SLC25A28: variants seen among roughly 807,000 people sequenced by gnomAD.
SLC25A28 encodes mitoferrin-2.
Under a neutral mutation model 31.9 loss-of-function variants are expected in SLC25A28, and 10 were observed. That is an observed-to-expected ratio of 0.31 (90% CI 0.19 to 0.53). The LOEUF (loss-of-function observed/expected upper bound fraction) is 0.53, where lower values mean the gene tolerates loss of function less well. Ranked by LOEUF, SLC25A28 falls within the 20% of genes least tolerant of loss-of-function variation. The pLI is 0.95. For synonymous variants in SLC25A28, 208 were observed against 203.6 expected, an observed-to-expected ratio of 1.02 and a Z score of -0.19; for missense variants, 256 against 490.3, an observed-to-expected ratio of 0.52 and a Z score of 4.51.
At chr10:99,648,686 G>GTTTTT in the SLC25A28 span, among the ~76,000 whole-genome samples, 10 of 119,780 alleles carry the variant, frequency 8.3e-5, no homozygotes, top group East Asian at 2.5e-4. Context: ...ATATTCCTAG[G>GTTTTT]TTTTTTTTTT....
At chr10:99,615,925 C>T in intron 1 of SLC25A28, 1 of 985,412 alleles carries the variant, frequency 1.0e-6, no homozygotes. Context: ...TCCTCACCCC[C>T]AAGAGAAAAC....
At chr10:99,621,261 C>G (rs999447155), upstream of SLC25A28, 1 of 152,818 alleles carries the variant, frequency 6.5e-6, no homozygotes, top group Non-Finnish European at 1.5e-5. Context: ...CATCCACATT[C>G]GCAGAGTAAA....
rs1374228340 is a variant in SLC25A28 at position 99,620,159 on chromosome 10, G to A, written c.177C>T (p.Ser59=). The A allele has an allele frequency of 1.9e-6, 3 of 1,565,112 alleles. No homozygotes were observed. The highest frequency in any genetic ancestry group is 8.6e-7 in the Non-Finnish European group (1 of 1,163,706). ...CCGGCAGCGCCTCGTAGTCCGGGCC[G>A]GAGTCCGGATCTTGTCGTACCGGGG... ...CRPPVRQDPD[S]GPDYEALPAG... is the part of the protein sequence containing the mutation. The change falls in exon 1 of 4, where the codon TCC becomes TCT. Residue 59 remains serine (S), a synonymous_variant. Coordinates refer to ENST00000370495, the MANE Select transcript of SLC25A28 (RefSeq NM_031212.4).
chr10:99,619,502 C>G, intron 1 of SLC25A28: 1 of 765,772 alleles, frequency 1.3e-6, no homozygotes, highest in Non-Finnish European at 1.6e-6. Flanking sequence ...ATTCTGCATT[C>G]TCACTGCACA....
At chr10:99,626,329 A>G in the SLC25A28 span, among the ~76,000 whole-genome samples, 2 of 152,194 alleles carry the variant, frequency 1.3e-5, no homozygotes, top group South Asian at 4.1e-4. Context: ...GGATCAGGAG[A>G]TATCATTATT....
chr10:99,650,695 A>G, the SLC25A28 span, among the ~76,000 whole-genome samples: 3 of 152,036 alleles, frequency 2.0e-5, no homozygotes, highest in African/African-American at 7.2e-5. Flanking sequence ...TACGTATAGG[A>G]AAGCCTGGTT....
At chr10:99,617,111 C>A in intron 1 of SLC25A28, 1 of 985,432 alleles carries the variant, frequency 1.0e-6, no homozygotes, top group Non-Finnish European at 1.2e-6. Flanking sequence ...TCAGAGCCAA[C>A]AACAGCAGCT....
upstream of SLC25A28, among the ~76,000 whole-genome samples, chr10:99,624,838 GA>G (rs533481523): frequency 5.3e-5 from 8 of 151,612 alleles, no homozygotes; most frequent in South Asian, 1.7e-3. Flanking sequence ...CTATCTCAAA[GA>G]AAAAAAAGTA....
chr10:99,622,625 C>CCA (rs2034818231), upstream of SLC25A28: 1 of 985,122 alleles, frequency 1.0e-6, no homozygotes. Flanking sequence ...ACACTTGCCG[C>CCA]CACACCACAT....
Position 99,611,372 on chromosome 10 carries a change from A to G in SLC25A28, c.578-6T>C, listed in dbSNP as rs747043437. ...CTGCATCCTCTGCTTGACCACTAGTAGTGCCATCAACGAGGAAGGAAATGG... is the reference window on the plus strand; with the variant it reads ...CTGCATCCTCTGCTTGACCACTAGTGGTGCCATCAACGAGGAAGGAAATGG... On this transcript the variant is annotated splice_polypyrimidine_tract_variant and splice_region_variant and intron_variant, in intron 3 of 3. Transcript: ENST00000370495. The surrounding 1 kb of genome is among the most constrained non-coding windows in gnomAD (Gnocchi z 5.5). 5 of 1,612,442 alleles carry G rather than the reference A, an allele frequency of 3.1e-6. No homozygotes were observed. The South Asian group carries it at 5.5e-5, about 18-fold the overall frequency.
chr10:99,618,397 C>T (rs554051859), intron 1 of SLC25A28: 2 of 985,348 alleles, frequency 2.0e-6, no homozygotes, highest in East Asian at 2.3e-4. Context: ...CAATACTCAT[C>T]CAGAAAAACA....
At chr10:99,658,721 T>A in the SLC25A28 span, among the ~76,000 whole-genome samples, 7 of 152,064 alleles carry the variant, frequency 4.6e-5, no homozygotes, top group African/African-American at 1.7e-4. Context: ...GGGCGGATCG[T>A]GGGGCGCAAT....
At chr10:99,641,781 A>T in the SLC25A28 span, among the ~76,000 whole-genome samples, 1 of 152,220 alleles carries the variant, frequency 6.6e-6, no homozygotes, top group African/African-American at 2.4e-5. Flanking sequence ...AGCTTTCTCC[A>T]TATGGCTAGC....
chr10:99,619,331 T>A (rs2034730898), intron 1 of SLC25A28: 1 of 985,358 alleles, frequency 1.0e-6, no homozygotes, highest in African/African-American at 1.7e-5. Flanking sequence ...GCTATCAGTT[T>A]CATCTCTCTT....
chr10:99,625,008 C>T (rs1343636755), upstream of SLC25A28, among the ~76,000 whole-genome samples: 1 of 151,968 alleles, frequency 6.6e-6, no homozygotes, highest in Non-Finnish European at 1.5e-5. Context: ...AATGAAGCCG[C>T]GGACACTCGC....
chr10:99,626,846 A>T, the SLC25A28 span, among the ~76,000 whole-genome samples: 130,245 of 151,842 alleles, frequency 0.86, 55,943 homozygotes, highest in Middle Eastern at 0.92. Context: ...GGCAGTTTTC[A>T]GTCCCACCGT....
At chr10:99,631,890 T>A in the SLC25A28 span, among the ~76,000 whole-genome samples, 1 of 104,266 alleles carries the variant, frequency 9.6e-6, no homozygotes, top group African/African-American at 3.6e-5. Flanking sequence ...TTTTTTTTTT[T>A]ATTTTTTTTT....
the SLC25A28 span, among the ~76,000 whole-genome samples, chr10:99,627,885 G>A: frequency 8.4e-5 from 12 of 142,156 alleles, no homozygotes; most frequent in Admixed American, 4.2e-4. Context: ...GCAAGTTCCC[G>A]CCACCCTTCC....
chr10:99,623,479 TG>T (rs1457919354), upstream of SLC25A28, among the ~76,000 whole-genome samples: 1 of 152,254 alleles, frequency 6.6e-6, no homozygotes, highest in Admixed American at 6.5e-5. Flanking sequence ...ATCATCATTC[TG>T]AACTGTTTCT....
Sources: allele counts gnomAD v4.1 joint callset (sites outside exome capture counted in the v4.1 genomes callset), GRCh38; gene constraint gnomAD v4.1.1; non-coding constraint Gnocchi (gnomAD v3.1); transcripts MANE v1.5; gene names NCBI Gene and HGNC (gene_info 2026-07-23, HGNC 2026-07-21).